Variants in ZZZ3 observed in about 807,000 individuals in gnomAD.
The protein encoded by ZZZ3 is ZZ-type zinc finger-containing protein 3.
A neutral mutation model predicts 95.2 loss-of-function variants in ZZZ3; 22 were observed. The ratio of observed to expected loss-of-function variants is 0.23; its 90% CI spans 0.17 to 0.33. The LOEUF is 0.33. Ranked by LOEUF, ZZZ3 falls within the 10% of genes least tolerant of loss-of-function variation. ZZZ3 has a pLI of 1.00. For missense variants in ZZZ3, 885 were observed against 1,066.5 expected, an observed-to-expected ratio of 0.83 and a Z score of 2.37; for synonymous variants, 335 against 358.9, an observed-to-expected ratio of 0.93 and a Z score of 0.75.
intron 1 of ZZZ3, among the ~76,000 whole-genome samples, chr1:77,655,741 C>T (rs1329200915): frequency 1.3e-5 from 2 of 152,182 alleles, no homozygotes; most frequent in East Asian, 1.9e-4. Flanking sequence ...ATCATTTAAA[C>T]GTACTGACTT....
Position 77,565,544 on chromosome 1 carries a change from G to A in ZZZ3, c.*96C>T. The A allele has an allele frequency of 5.2e-6, 7 of 1,351,322 alleles. No homozygotes were observed. The allele number at this position is 1,351,322 out of a possible 1,614,324, so 83.7% of individuals were successfully genotyped here. The stretch of plus-strand genomic sequence containing the variant: ...CTCTCATGCTGTGAGTGTCATTTCT[G>A]GGAAAGCAGAGAATCTTTCCAAACT... On this transcript the variant is annotated 3_prime_UTR_variant, in exon 15 of 15. Coordinates refer to ENST00000370801, the MANE Select transcript of ZZZ3 (RefSeq NM_015534.6).
At chr1:77,624,079 G>C (rs1178803191) in intron 5 of ZZZ3, among the ~76,000 whole-genome samples, 1 of 152,120 alleles carries the variant, frequency 6.6e-6, no homozygotes, top group African/African-American at 2.4e-5. Context: ...AAGCCTACTT[G>C]TGAAATAATA....
chr1:77,624,947 T>C (rs1557737455), intron 5 of ZZZ3, among the ~76,000 whole-genome samples: 1 of 152,094 alleles, frequency 6.6e-6, no homozygotes. Context: ...AATTGGTCAG[T>C]GGGAAAAACC....
intron 5 of ZZZ3, among the ~76,000 whole-genome samples, chr1:77,606,257 T>C (rs1665221139): frequency 6.6e-6 from 1 of 152,182 alleles, no homozygotes; most frequent in Admixed American, 6.5e-5. Context: ...CTCCTCTGCC[T>C]ATGGCATGCA....
intron 1 of ZZZ3, among the ~76,000 whole-genome samples, chr1:77,675,517 TAACCC>T (rs1183970687): frequency 1.3e-5 from 2 of 152,158 alleles, no homozygotes; most frequent in Non-Finnish European, 2.9e-5. Context: ...AATCTCACCA[TAACCC>T]AAGACAGAAG....
At chr1:77,579,763 T>C in intron 9 of ZZZ3, 135 bp from the exon 10 acceptor site, 1 of 507,416 alleles carries the variant, frequency 2.0e-6, no homozygotes, top group South Asian at 3.3e-5. Flanking sequence ...TAATTAGAAA[T>C]CCTCATGGTA....
chr1:77,661,660 C>T (rs954433091), intron 1 of ZZZ3, among the ~76,000 whole-genome samples: 5 of 152,110 alleles, frequency 3.3e-5, no homozygotes, highest in African/African-American at 1.2e-4. Context: ...GAAAAAGGCA[C>T]ACCAATCTTG....
chr1:77,585,570 A>G (rs1461149404), intron 5 of ZZZ3, among the ~76,000 whole-genome samples: 2 of 152,256 alleles, frequency 1.3e-5, no homozygotes, highest in East Asian at 1.9e-4. Context: ...TCCTTAAAGT[A>G]TAAGCAAAGC....
intron 12 of ZZZ3, among the ~76,000 whole-genome samples, chr1:77,574,405 GTTC>G (rs1196207412): frequency 2.0e-5 from 3 of 152,024 alleles, no homozygotes; most frequent in African/African-American, 7.2e-5. Flanking sequence ...AAGTCCTAGA[GTTC>G]TTAAGTTGAA....
chr1:77,643,856 A>G (rs1186890330), intron 1 of ZZZ3, among the ~76,000 whole-genome samples: 6 of 152,180 alleles, frequency 3.9e-5, no homozygotes, highest in Admixed American at 3.9e-4. Flanking sequence ...CAGGCAAATT[A>G]TTTTTTAGTT....
At chr1:77,664,268 C>A (rs1478728501) in intron 1 of ZZZ3, among the ~76,000 whole-genome samples, 2 of 152,022 alleles carry the variant, frequency 1.3e-5, no homozygotes, top group African/African-American at 4.8e-5. Context: ...TTTTTCAGTA[C>A]CTTAAAGAAG....
intron 1 of ZZZ3, among the ~76,000 whole-genome samples, chr1:77,659,991 C>T (rs1343807537): frequency 6.6e-6 from 1 of 152,056 alleles, no homozygotes; most frequent in Non-Finnish European, 1.5e-5. Context: ...TGCCACCACA[C>T]CCAGCTATTT....
Position 77,567,003 on chromosome 1 carries a change from T to C in ZZZ3, c.2467-822A>G, listed in dbSNP as rs1481915914. ...GCCAGAGCTGCCAGTTAGGAAAATCTCTATTGGAGAAACAGGGTCACTGAA... is the reference window on the plus strand; with the variant it reads ...GCCAGAGCTGCCAGTTAGGAAAATCCCTATTGGAGAAACAGGGTCACTGAA... On this transcript the variant is annotated intron_variant, in intron 13 of 14. Coordinates refer to ENST00000370801, the MANE Select transcript of ZZZ3 (RefSeq NM_015534.6). Among the ~76,000 whole-genome samples, 6 of 152,302 alleles carry C rather than the reference T, an allele frequency of 3.9e-5. No individual in the cohort carries two copies. In the East Asian group the frequency reaches 9.6e-4, roughly 24 times the overall value.
intron 12 of ZZZ3, among the ~76,000 whole-genome samples, chr1:77,570,958 T>G (rs1661327737): frequency 6.6e-6 from 1 of 151,216 alleles, no homozygotes; most frequent in Non-Finnish European, 1.5e-5. Flanking sequence ...CATGAGCCAC[T>G]GCGCCTGGCC....
intron 5 of ZZZ3, among the ~76,000 whole-genome samples, chr1:77,609,184 G>C (rs756712046): frequency 3.3e-5 from 5 of 151,894 alleles, no homozygotes; most frequent in Non-Finnish European, 7.4e-5. Context: ...AAAATAAAGC[G>C]ATGAAAAAAG....
At chr1:77,589,068 G>A (rs899938554) in intron 5 of ZZZ3, among the ~76,000 whole-genome samples, 2 of 152,130 alleles carry the variant, frequency 1.3e-5, no homozygotes, top group African/African-American at 4.8e-5. Flanking sequence ...GTAGAGAAAG[G>A]GTCTTGCTGT....
intron 13 of ZZZ3, 50 bp from the exon 14 acceptor site, chr1:77,566,231 C>CT: frequency 1.5e-6 from 2 of 1,351,752 alleles, no homozygotes; most frequent in Admixed American, 2.0e-5. Context: ...GTTCCACGAT[C>CT]TTTTTTATTT....
At chr1:77,663,843 G>A (rs1460141280) in intron 1 of ZZZ3, among the ~76,000 whole-genome samples, 4 of 151,384 alleles carry the variant, frequency 2.6e-5, no homozygotes, top group South Asian at 4.2e-4. Flanking sequence ...TCCACCTCCC[G>A]GGTTCAAGCG....
intron 1 of ZZZ3, among the ~76,000 whole-genome samples, chr1:77,658,426 T>C (rs1424980951): frequency 1.3e-5 from 2 of 151,700 alleles, no homozygotes; most frequent in African/African-American, 4.8e-5. Context: ...ACTGCAGCCT[T>C]GATCTCCCGG....
Sources: gnomAD v4.1 joint callset for allele counts (sites outside exome capture counted in the v4.1 genomes callset) on GRCh38, gnomAD v4.1.1 for gene constraint, MANE v1.5 for transcripts, NCBI Gene and HGNC (gene_info 2026-07-23, HGNC 2026-07-21) for gene names.